CCDC88C: variants seen among roughly 807,000 people sequenced by gnomAD.
CCDC88C encodes coiled-coil and HOOK domain protein 88C.
CCDC88C carries 131 observed loss-of-function variants against 198.8 expected under a neutral mutation model. The observed-to-expected ratio is 0.66, with a 90% CI of 0.57 to 0.76. The LOEUF (loss-of-function observed/expected upper bound fraction) is 0.76, where lower values mean the gene tolerates loss of function less well. CCDC88C is among the 30% of genes least tolerant of loss of function. CCDC88C has a pLI of 0.00. For synonymous variants in CCDC88C, 1,166 were observed against 1,114.7 expected (o/e 1.05, Z -0.92); for missense variants, 2,553 against 2,631.6 (o/e 0.97, Z 0.65).
intron 21 of CCDC88C, among the ~76,000 whole-genome samples, chr14:91,298,764 A>G (rs1309550919): frequency 6.6e-6 from 1 of 152,038 alleles, no homozygotes; most frequent in Non-Finnish European, 1.5e-5. Flanking sequence ...CATGTGCTTT[A>G]TTTGCCTGGG....
chr14:91,298,130 T>C (rs1292035566), intron 21 of CCDC88C, among the ~76,000 whole-genome samples: 1 of 152,236 alleles, frequency 6.6e-6, no homozygotes, highest in Non-Finnish European at 1.5e-5. Context: ...TGTACAATTT[T>C]ACTTTTTAAA....
chr14:91,321,500 G>A (rs1252033050), intron 12 of CCDC88C, among the ~76,000 whole-genome samples, 196 bp from the exon 13 acceptor site: 1 of 152,210 alleles, frequency 6.6e-6, no homozygotes, highest in African/African-American at 2.4e-5. Flanking sequence ...AGGCTTTGCT[G>A]GGGTCTGTCA....
intron 3 of CCDC88C, among the ~76,000 whole-genome samples, chr14:91,370,302 G>A (rs542846676): frequency 5.4e-4 from 82 of 152,348 alleles, no homozygotes; most frequent in African/African-American, 1.8e-3. Context: ...GGCAAGAGAG[G>A]CACAGCACAT....
At chr14:91,293,605 T>TTCCCATCCTCACCCGCCACAGCTCA in intron 23 of CCDC88C, among the ~76,000 whole-genome samples, 1 of 146,766 alleles carries the variant, frequency 6.8e-6, no homozygotes, top group South Asian at 2.2e-4. Context: ...ATGGCCCACC[T>TTCCCATCCTCACCCGCCACAGCTCA]CCTGTGGGCC....
At chr14:91,406,799 C>G (rs761821541) in intron 3 of CCDC88C, among the ~76,000 whole-genome samples, 2 of 152,210 alleles carry the variant, frequency 1.3e-5, no homozygotes, top group Non-Finnish European at 2.9e-5. Flanking sequence ...ATGGCTGTCG[C>G]GAGGGAGACG....
chr14:91,373,573 C>T (rs550785023), intron 3 of CCDC88C, among the ~76,000 whole-genome samples: 18 of 152,296 alleles, frequency 1.2e-4, no homozygotes, highest in African/African-American at 3.4e-4. Flanking sequence ...CTTTTCATTA[C>T]AGGAGTTTGC....
chr14:91,358,617 A>C (rs929005269), intron 4 of CCDC88C, among the ~76,000 whole-genome samples: 2 of 152,224 alleles, frequency 1.3e-5, no homozygotes, highest in Non-Finnish European at 2.9e-5. Context: ...GGCAGAGATT[A>C]AGTTCTGACT....
In CCDC88C at chr14:91,272,646, C is replaced by T; in HGVS notation, c.6066G>A (p.Trp2022Ter). ...ACAGTCACACACAGCCGTACTCATA[C>T]CACACGGTCTGCGGATCCCCGCCGG... ...PEPGGDPQTV[W>*]YEYGCV Residue 2022 changes from tryptophan to a stop codon, truncating the protein, a stop_gained, in exon 30 of 30, where the codon TGG becomes TGA. Coordinates refer to ENST00000389857, the MANE Select transcript of CCDC88C (RefSeq NM_001080414.4). LOFTEE classifies it high-confidence loss of function. The T allele has an allele frequency of 1.9e-6, 3 of 1,611,100 alleles. No individual in the cohort carries two copies. Among genetic ancestry groups the T allele is most frequent in the Admixed American group, 1.7e-5 (1 of 60,002 alleles).
Position 91,281,424 on chromosome 14 carries a change from C to T in CCDC88C, c.4699+33G>A, listed in dbSNP as rs1890193051. 8 of 1,613,360 alleles carry T rather than the reference C, an allele frequency of 5.0e-6. No individual in the cohort carries two copies. The Admixed American group carries it at 6.7e-5, about 13-fold the overall frequency. ...GTGGATAAAAACCAGTCTGGAAACC[C>T]AGGCTGGAGGACACAGCACCCTCCC... On this transcript the variant is annotated intron_variant, in intron 27 of 29. Coordinates refer to ENST00000389857, the MANE Select transcript of CCDC88C (RefSeq NM_001080414.4).
chr14:91,361,787 T>A (rs1293945744), intron 3 of CCDC88C, among the ~76,000 whole-genome samples: 1 of 151,934 alleles, frequency 6.6e-6, no homozygotes, highest in Non-Finnish European at 1.5e-5. Flanking sequence ...AATGCATGAG[T>A]TTGCCAAAGG....
chr14:91,316,791 T>C (rs1450412814), intron 13 of CCDC88C, among the ~76,000 whole-genome samples: 1 of 152,210 alleles, frequency 6.6e-6, no homozygotes, highest in Non-Finnish European at 1.5e-5. Context: ...GATGGACCCC[T>C]CATCTTTCTC....
chr14:91,355,658 G>A (rs146170499), intron 4 of CCDC88C, among the ~76,000 whole-genome samples: 4 of 152,286 alleles, frequency 2.6e-5, no homozygotes, highest in South Asian at 4.1e-4. Context: ...TTCAGTATAC[G>A]AAGTACTGTT....
At chr14:91,373,565 T>C (rs1232959300) in intron 3 of CCDC88C, among the ~76,000 whole-genome samples, 1 of 152,144 alleles carries the variant, frequency 6.6e-6, no homozygotes. Flanking sequence ...ACTGGTCTCT[T>C]TTCATTACAG....
chr14:91,315,768 T>G lies in CCDC88C; in HGVS notation c.1547A>C (p.Gln516Pro). The G allele has an allele frequency of 6.2e-7, 1 of 1,613,154 alleles. No homozygotes were observed. The highest frequency in any genetic ancestry group is 2.2e-5 in the East Asian group (1 of 44,876). The change falls in exon 14 of 30, where the codon CAG (glutamine) becomes CCG (proline). Residue 516 changes from glutamine to proline, a missense_variant. By Grantham distance (76) the Gln-to-Pro change is moderately conservative. Around this residue, in one of 2 missense-constraint regions of CCDC88C, gnomAD observed 1,260 missense variants for 1,412.0 expected, o/e 0.89. Coordinates refer to ENST00000389857, the MANE Select transcript of CCDC88C (RefSeq NM_001080414.4). ...GTTGCTCTGCTTTTCTCTCTCCAGC[T>G]GGGTTTGTAACTTTTCAATCTGCAG... Reference protein sequence around the residue: ...LSKKIEKLQTQLEREKQSNQD... With the variant: ...LSKKIEKLQTPLEREKQSNQD...
In CCDC88C at chr14:91,384,216, C is replaced by T. The variant is rs564030294; in HGVS notation, c.270+24443G>A. On this transcript the variant is annotated intron_variant, in intron 3 of 29. Transcript: ENST00000389857. ...CTTTGGGAGGCTGAGGTGGGAGGATCGTTTGAGTCTAGGAGTTCGAGACCA... is the reference window on the plus strand; with the variant it reads ...CTTTGGGAGGCTGAGGTGGGAGGATTGTTTGAGTCTAGGAGTTCGAGACCA... Among the ~76,000 whole-genome samples, 6 of 151,038 alleles carry T rather than the reference C, an allele frequency of 4.0e-5. No individual in the cohort carries two copies. The East Asian group carries it at 5.8e-4, about 15-fold the overall frequency.
At chr14:91,366,153 TACACACACACACACACAC>T (rs57281083) in intron 3 of CCDC88C, among the ~76,000 whole-genome samples, 5,450 of 136,452 alleles carry the variant, frequency 0.04, 363 homozygotes, top group African/African-American at 0.13. Flanking sequence ...ACTTAAAAAA[TACACACACACACACACAC>T]ACACACACAC....
intron 3 of CCDC88C, chr14:91,379,623 G>C (rs575569407): frequency 1.7e-6 from 1 of 578,362 alleles, no homozygotes; most frequent in Admixed American, 3.1e-5. Flanking sequence ...GTGCCTCCTG[G>C]GGTAGGAACT....
At position 91,324,772 on chromosome 14, in the gene CCDC88C, T is replaced by C; in HGVS notation, c.1342+7A>G. On this transcript the variant is annotated splice_region_variant and intron_variant, in intron 12 of 29. Coordinates refer to ENST00000389857, the MANE Select transcript of CCDC88C (RefSeq NM_001080414.4). ...AGGCTGGCTCCCCGGCACCAGGCGC[T>C]ACCTACCGTCTGACAAGTCTGCGTT... The C allele has an allele frequency of 1.2e-6, 2 of 1,609,462 alleles. No individual in the cohort carries two copies. Among genetic ancestry groups the C allele is most frequent in the Non-Finnish European group, 1.7e-6 (2 of 1,179,832 alleles).
intron 3 of CCDC88C, among the ~76,000 whole-genome samples, chr14:91,405,673 G>A (rs1475251031): frequency 6.6e-6 from 1 of 152,152 alleles, no homozygotes; most frequent in African/African-American, 2.4e-5. Context: ...CTGGGTGCTG[G>A]GCTGATGGGT....
Sources: allele counts gnomAD v4.1 joint callset (sites outside exome capture counted in the v4.1 genomes callset), GRCh38; gene constraint gnomAD v4.1.1; regional missense constraint gnomAD v4.1.1; transcripts MANE v1.5; gene names NCBI Gene and HGNC (gene_info 2026-07-23, HGNC 2026-07-21).